Variants in USP9X observed in about 807,000 individuals in gnomAD.
USP9X encodes the protein ubiquitin specific peptidase 9 X-linked.
A neutral mutation model predicts 190.3 loss-of-function variants in USP9X; 7 were observed. The ratio of observed to expected loss-of-function variants is 0.04; its 90% CI spans 0.02 to 0.07. USP9X has a LOEUF of 0.07. USP9X is among the 10% of genes least tolerant of loss of function. The pLI is 1.00. For missense variants in USP9X, 1,010 were observed against 1,916.9 expected (o/e 0.53, Z 8.83); for synonymous variants, 645 against 659.5 (o/e 0.98, Z 0.34).
rs189784800 is a variant in USP9X at position 41,152,883 on chromosome X, C to T, written c.1764-65C>T. On this transcript the variant is annotated intron_variant, in intron 13 of 44. Coordinates refer to ENST00000378308, the MANE Select transcript of USP9X (RefSeq NM_001039591.3). ...TCAGTAGCTAAGAATTTAGATAGTA[C>T]GAACTCTTCTGGTTACAACAGAGTT... 9.5e-4 allele frequency: 1,037 copies of T among 1,093,746 alleles called. 1 individual carries two copies. The highest frequency in any genetic ancestry group is 7.3e-4 in the Non-Finnish European group (603 of 825,972). The allele number at this position is 1,093,746 out of a possible 1,213,427, so 90.1% of individuals were successfully genotyped here.
chrX:41,229,670 A>G lies in USP9X; in HGVS notation c.7322A>G (p.Asn2441Ser), dbSNP rs375604976. 9.1e-6 allele frequency: 11 copies of G among 1,211,717 alleles called. No homozygotes were observed. Among genetic ancestry groups the G allele is most frequent in the Non-Finnish European group, 1.0e-5 (9 of 895,531 alleles). The change falls in exon 43 of 45, where the codon AAT becomes AGT. Residue 2441 changes from asparagine to serine, a missense_variant. Physicochemically the swap from Asn to Ser is conservative, Grantham distance 46. This residue lies in a region of USP9X where 20 missense variants were observed against 59.3 expected (regional missense o/e 0.34). Transcript: ENST00000378308. ...GGCAATCCTCAGTACACTTACAACAATTGGTCTCCCCCAGTGCAAAGCAAT... is the reference window on the plus strand; with the variant it reads ...GGCAATCCTCAGTACACTTACAACAGTTGGTCTCCCCCAGTGCAAAGCAAT... Reference protein sequence around the residue: ...YTGNPQYTYNNWSPPVQSNET... With the variant: ...YTGNPQYTYNSWSPPVQSNET...
intron 6 of USP9X, 40 bp from the exon 7 acceptor site, chrX:41,140,616 T>A: frequency 9.5e-7 from 1 of 1,052,186 alleles, no homozygotes; most frequent in East Asian, 3.1e-5. Context: ...TTTTACCCTT[T>A]AAAGTAGGAA....
In USP9X at chrX:41,148,295, T is replaced by G; in HGVS notation, c.1420-74T>G. On this transcript the variant is annotated intron_variant, in intron 11 of 44. Coordinates refer to ENST00000378308, the MANE Select transcript of USP9X (RefSeq NM_001039591.3). ...ACGTTGCTTTTGATGAATTTGAATA[T>G]AGTTAACCTGGTGACAATTTATGAA... The G allele has an allele frequency of 3.7e-6, 4 of 1,075,004 alleles. No homozygotes were observed. In the Admixed American group the frequency reaches 9.0e-5, roughly 24 times the overall value. The allele number at this position is 1,075,004 out of a possible 1,213,427, so 88.6% of individuals were successfully genotyped here. A position where few individuals can be genotyped will look rare whatever the true frequency, so the allele number is the denominator to read the frequency against.
chrX:41,235,008 A>G lies in USP9X; in HGVS notation c.*2484A>G, dbSNP rs1287625917. 8.9e-6 allele frequency: 1 copy of G among 112,392 alleles called. No individual in the cohort carries two copies. The highest frequency in any genetic ancestry group is 1.9e-5 in the Non-Finnish European group (1 of 53,262). 9.3% of individuals were successfully genotyped at this position (112,392 alleles called of 1,213,427 possible). ...ATTTCCTGCTGCTCCTTAACAAAAT[A>G]TGTAATGTACTTAAAAACTTTAACG... is the stretch of plus-strand genomic sequence containing the variant. On this transcript the variant is annotated 3_prime_UTR_variant, in exon 45 of 45. Coordinates refer to ENST00000378308, the MANE Select transcript of USP9X (RefSeq NM_001039591.3).
Position 41,158,747 on chromosome X carries a change from A to G in USP9X, c.1898-4043A>G, listed in dbSNP as rs370028916. The stretch of plus-strand genomic sequence containing the variant: ...CCACGGACTGGGGGGTGGGGGGCTC[A>G]CCTCCTGCTGTGCAGCCCCGTTTCT... On this transcript the variant is annotated intron_variant, in intron 14 of 44. Transcript: ENST00000378308. 6.3e-5 allele frequency among the ~76,000 whole-genome samples: 7 copies of G among 111,092 alleles called. No homozygotes were observed. The East Asian group carries it at 1.7e-3, about 27-fold the overall frequency.
chrX:41,211,928 C>T (rs1466763772), intron 33 of USP9X, among the ~76,000 whole-genome samples: 517 of 71,832 alleles, frequency 7.2e-3, no homozygotes, highest in East Asian at 0.013. Context: ...GTGAGGAGCC[C>T]CTCTGCCCGG....
rs1169769124 is a variant in USP9X, at chrX:41,099,093, A to ATTGTTTTTTT, written c.-159+12987_-159+12996dup. On this transcript the variant is annotated intron_variant, in intron 1 of 44. Transcript: ENST00000378308. The stretch of plus-strand genomic sequence containing the variant: ...GACCACATGCCATAATGCCCAGATA[A>ATTGTTTTTTT]TTGTTTTTTTTTTTTTTTTTTTTTT... Among the ~76,000 whole-genome samples, 114 of 47,338 alleles carry ATTGTTTTTTT rather than the reference A, an allele frequency of 2.4e-3. 4 individuals are homozygous for ATTGTTTTTTT. The highest frequency in any genetic ancestry group is 3.7e-3 in the Non-Finnish European group (102 of 27,675). The allele number at this position is 47,338 out of a possible 115,157, so 41.1% of individuals were successfully genotyped here.
chrX:41,182,071 AT>A (rs1373142890), intron 21 of USP9X, among the ~76,000 whole-genome samples: 1 of 112,062 alleles, frequency 8.9e-6, no homozygotes, highest in African/African-American at 3.2e-5. Flanking sequence ...AGACCATTAA[AT>A]GATTTGCTTA....
intron 21 of USP9X, among the ~76,000 whole-genome samples, chrX:41,183,715 C>T (rs1339718032): frequency 4.5e-5 from 5 of 111,649 alleles, no homozygotes; most frequent in African/African-American, 1.6e-4. Context: ...TTTTTTCCAT[C>T]TCCAGTGGCT....
In USP9X at chrX:41,168,033, G is replaced by A; in HGVS notation, c.2451G>A (p.Gln817=). ...TGGTGATCCATGAAGACTTCATTCA[G>A]TCTTGTTTTGATCGTCTGAAGGCTT... ...NQVVIHEDFI[Q]SCFDRLKASY... is the part of the protein sequence containing the mutation. Residue 817 remains glutamine, a synonymous_variant, in exon 18 of 45, where the codon CAG becomes CAA. Transcript: ENST00000378308. 8.3e-7 allele frequency: 1 copy of A among 1,210,077 alleles called. No individual in the cohort carries two copies. Among genetic ancestry groups the A allele is most frequent in the African/African-American group, 1.7e-5 (1 of 57,778 alleles).
At chrX:41,158,731 G>T (rs967013641) in intron 14 of USP9X, among the ~76,000 whole-genome samples, 3 of 111,309 alleles carry the variant, frequency 2.7e-5, no homozygotes, top group Admixed American at 9.5e-5. Flanking sequence ...TCCACGGACT[G>T]GGGGGTGGGG....
chrX:41,188,326 A>G (rs2062900466), intron 25 of USP9X, among the ~76,000 whole-genome samples: 2 of 112,182 alleles, frequency 1.8e-5, no homozygotes, highest in Non-Finnish European at 3.8e-5. Context: ...CTGCTTTTTA[A>G]ATGAAATTGC....
intron 1 of USP9X, among the ~76,000 whole-genome samples, chrX:41,100,211 C>T (rs2062024701): frequency 8.9e-6 from 1 of 112,517 alleles, no homozygotes; most frequent in Admixed American, 9.5e-5. Flanking sequence ...AAACTTCTCA[C>T]AGGTAACAAT....
chrX:41,210,718 A>G (rs2063149666), intron 33 of USP9X, 36 bp downstream of exon 33: 1 of 1,175,526 alleles, frequency 8.5e-7, no homozygotes, highest in African/African-American at 1.8e-5. Flanking sequence ...TATATGTTGT[A>G]CCATGTATAT....
chrX:41,222,235 G>A (rs986198792), intron 38 of USP9X, among the ~76,000 whole-genome samples: 6 of 111,927 alleles, frequency 5.4e-5, no homozygotes, highest in Admixed American at 3.8e-4. Context: ...GGAAATCAGT[G>A]TGAGAAGATA....
intron 1 of USP9X, among the ~76,000 whole-genome samples, chrX:41,097,654 A>G (rs2062001717): frequency 8.9e-6 from 1 of 112,291 alleles, no homozygotes; most frequent in African/African-American, 3.2e-5. Flanking sequence ...AAATTAGAAG[A>G]GAGGCATTGT....
At chrX:41,174,532 A>T (rs2062756479) in intron 21 of USP9X, among the ~76,000 whole-genome samples, 1 of 111,901 alleles carries the variant, frequency 8.9e-6, no homozygotes, top group Admixed American at 9.5e-5. Context: ...TCATGATTGT[A>T]TTCAGGTTAT....
At chrX:41,207,999 C>T (rs1344935929) in intron 32 of USP9X, among the ~76,000 whole-genome samples, 1 of 109,843 alleles carries the variant, frequency 9.1e-6, no homozygotes, top group African/African-American at 3.3e-5. Context: ...TGTTTATGCT[C>T]TTCCAAACTG....
rs140411854 is a variant in USP9X at position 41,190,508 on chromosome X, G to A, written c.3977+1033G>A. Among the ~76,000 whole-genome samples the A allele has an allele frequency of 2.4e-3, 267 of 111,630 alleles. 1 individual carries two copies. Among genetic ancestry groups the A allele is most frequent in the African/African-American group, 7.9e-3 (244 of 30,753 alleles). On this transcript the variant is annotated intron_variant, in intron 26 of 44. Coordinates refer to ENST00000378308, the MANE Select transcript of USP9X (RefSeq NM_001039591.3). Reference sequence around the variant, plus strand: ...CCTCCTTGAGAAGACAATCCTGCACGTTGGAAAAGATAAATAGGTTTAGTA... The same window carrying A: ...CCTCCTTGAGAAGACAATCCTGCACATTGGAAAAGATAAATAGGTTTAGTA...
Sources: gnomAD v4.1 joint callset for allele counts (sites outside exome capture counted in the v4.1 genomes callset) on GRCh38, gnomAD v4.1.1 for gene constraint, gnomAD v4.1.1 regional missense constraint, MANE v1.5 for transcripts, NCBI Gene and HGNC (gene_info 2026-07-23, HGNC 2026-07-21) for gene names.